UHRF1: variants seen among roughly 807,000 people sequenced by gnomAD.
UHRF1 encodes ubiquitin like with PHD and ring finger domains 1, also known as E3 ubiquitin-protein ligase UHRF1.
Under a neutral mutation model 96.5 loss-of-function variants are expected in UHRF1, and 9 were observed. The ratio of observed to expected loss-of-function variants is 0.09; its 90% CI spans 0.06 to 0.16. The LOEUF (loss-of-function observed/expected upper bound fraction) is 0.16, where lower values mean the gene tolerates loss of function less well. Among genes scored for constraint, UHRF1 ranks in the 10% least tolerant of loss-of-function variants. The pLI is 1.00. For synonymous variants in UHRF1, 455 were observed against 469.9 expected (o/e 0.97, Z 0.41); for missense variants, 626 against 1,131.1 (o/e 0.55, Z 6.40).
At chr19:4,905,363 C>T (rs546077972), upstream of UHRF1, among the ~76,000 whole-genome samples, 28 of 151,702 alleles carry the variant, frequency 1.8e-4, no homozygotes, top group Non-Finnish European at 3.5e-4. Flanking sequence ...TCGTGATCCA[C>T]CTGCCTCAGC....
At chr19:4,917,652 C>CAAAAAAAA (rs754990585) in intron 2 of UHRF1, among the ~76,000 whole-genome samples, 3 of 34,360 alleles carry the variant, frequency 8.7e-5, no homozygotes, top group Admixed American at 3.0e-4. Context: ...GACTCCGTCT[C>CAAAAAAAA]AAAAAAAAAA....
Position 4,915,672 on chromosome 19 carries a change from T to C in UHRF1, c.153+4634T>C, listed in dbSNP as rs2032469599. On this transcript the variant is annotated intron_variant, in intron 2 of 16. Transcript: ENST00000650932. ...TTGCAGTGAGCTGAGATCCCACCAC[T>C]GCACTCCAGCCTGGGCGACAGAGCA... 3.3e-5 allele frequency among the ~76,000 whole-genome samples: 5 copies of C among 152,046 alleles called. No individual in the cohort carries two copies. In the South Asian group the frequency reaches 1.0e-3, roughly 31 times the overall value.
At chr19:4,919,306 C>CT (rs968467944) in intron 2 of UHRF1, among the ~76,000 whole-genome samples, 88 of 145,726 alleles carry the variant, frequency 6.0e-4, no homozygotes, top group Admixed American at 1.4e-3. Flanking sequence ...CCCATTTTAA[C>CT]TTTTTTTTTT....
At chr19:4,947,871 G>A (rs1599291265) in intron 11 of UHRF1, among the ~76,000 whole-genome samples, 1 of 151,970 alleles carries the variant, frequency 6.6e-6, no homozygotes, top group Non-Finnish European at 1.5e-5. Flanking sequence ...GCCGAGGCTC[G>A]AGGATACCTT....
At position 4,930,669 on chromosome 19, in the gene UHRF1, G is replaced by C; in HGVS notation, c.409-47G>C. ...CGAGAACCAAGGTGGTCTCCCGTCA[G>C]TTTTCCTCACCCCGTTGGGATGCCA... On this transcript the variant is annotated intron_variant, in intron 3 of 16. Transcript: ENST00000650932. The surrounding 1 kb of genome is among the most constrained non-coding windows in gnomAD (Gnocchi z 4.4). 6.3e-7 allele frequency: 1 copy of C among 1,594,624 alleles called. No homozygotes were observed. The highest frequency in any genetic ancestry group is 8.6e-7 in the Non-Finnish European group (1 of 1,168,598).
upstream of UHRF1, among the ~76,000 whole-genome samples, chr19:4,908,704 T>C (rs2032128900): frequency 6.6e-6 from 1 of 152,170 alleles, no homozygotes; most frequent in Admixed American, 6.6e-5. Context: ...CACTCTCCTA[T>C]AAGGAATCAT....
intron 7 of UHRF1, among the ~76,000 whole-genome samples, chr19:4,943,501 C>CT (rs1000482174): frequency 1.4e-5 from 2 of 141,660 alleles, no homozygotes; most frequent in Admixed American, 7.1e-5. Context: ...CCCTGCCCCC[C>CT]CTCCCCACAT....
chr19:4,930,950 C>A lies in UHRF1; in HGVS notation c.569+74C>A. ...GCATCCTTGGCTGCGGGTGTTCAGG[C>A]CAGAGCTTGGCACTGTCTCGAGATG... On this transcript the variant is annotated intron_variant, in intron 4 of 16. Coordinates refer to ENST00000650932, the MANE Select transcript of UHRF1 (RefSeq NM_001048201.3). The surrounding 1 kb of genome is among the most constrained non-coding windows in gnomAD (Gnocchi z 4.4). 6.3e-7 allele frequency: 1 copy of A among 1,580,528 alleles called. No individual in the cohort carries two copies. Among genetic ancestry groups the A allele is most frequent in the Non-Finnish European group, 8.6e-7 (1 of 1,158,716 alleles).
At chr19:4,923,467 C>T (rs139110117) in intron 2 of UHRF1, among the ~76,000 whole-genome samples, 1,801 of 152,296 alleles carry the variant, frequency 0.012, 37 homozygotes, top group African/African-American at 0.041. Flanking sequence ...TTCCCTCGTG[C>T]GCTGAGGCCC....
intron 12 of UHRF1, 30 bp downstream of exon 12, chr19:4,950,803 C>G (rs2033697050): frequency 6.2e-7 from 1 of 1,613,914 alleles, no homozygotes; most frequent in Non-Finnish European, 8.5e-7. Flanking sequence ...GCCGGGGGCT[C>G]TGTCCCCGCC....
intron 5 of UHRF1, among the ~76,000 whole-genome samples, chr19:4,936,117 G>A (rs1181794228): frequency 6.6e-6 from 1 of 152,156 alleles, no homozygotes; most frequent in Non-Finnish European, 1.5e-5. Flanking sequence ...AGGCACAGCG[G>A]GAAAGGGAAC....
intron 2 of UHRF1, among the ~76,000 whole-genome samples, chr19:4,921,629 G>A (rs1336082227): frequency 6.6e-6 from 1 of 151,952 alleles, no homozygotes. Context: ...GATGGCCCAT[G>A]CCTGTAGTCC....
intron 16 of UHRF1, among the ~76,000 whole-genome samples, chr19:4,960,298 G>C (rs1376860498): frequency 1.3e-5 from 2 of 152,236 alleles, no homozygotes; most frequent in Non-Finnish European, 2.9e-5. Context: ...CAGGTGGAAG[G>C]AGAGGTGCCG....
chr19:4,945,917 C>T lies in UHRF1; in HGVS notation c.1362C>T (p.Asn454=), dbSNP rs758366727. Reference sequence around the variant, plus strand: ...TGGCTGGCATACACGGCCGGAGCAACGACGGAGCGTACTCCCTAGTCCTGG... The same window carrying T: ...TGGCTGGCATACACGGCCGGAGCAATGACGGAGCGTACTCCCTAGTCCTGG... ...PHVAGIHGRS[N]DGAYSLVLAG... The change falls in exon 10 of 17, where the codon AAC becomes AAT. Residue 454 remains asparagine (N), a synonymous_variant. Coordinates refer to ENST00000650932, the MANE Select transcript of UHRF1 (RefSeq NM_001048201.3). The T allele has an allele frequency of 1.4e-5, 22 of 1,603,276 alleles. No individual in the cohort carries two copies. Among genetic ancestry groups the T allele is most frequent in the Middle Eastern group, 4.2e-4 (2 of 4,748 alleles).
At chr19:4,957,340 G>C (rs1032191403) in intron 16 of UHRF1, among the ~76,000 whole-genome samples, 1 of 116,580 alleles carries the variant, frequency 8.6e-6, no homozygotes, top group African/African-American at 3.3e-5. Flanking sequence ...ACAGAGTCTC[G>C]CTCTGTTGCC....
intron 2 of UHRF1, among the ~76,000 whole-genome samples, chr19:4,920,092 C>T (rs1281003892): frequency 2.0e-5 from 3 of 152,162 alleles, no homozygotes; most frequent in African/African-American, 7.2e-5. Flanking sequence ...GCTGGGATTA[C>T]GGGCATGAGC....
At chr19:4,960,624 T>C (rs2033963684) in intron 16 of UHRF1, 33 bp from the exon 17 acceptor site, 1 of 1,607,488 alleles carries the variant, frequency 6.2e-7, no homozygotes, top group Non-Finnish European at 8.5e-7. Context: ...ATGGTGTGGA[T>C]GGCACTTCTC....
At chr19:4,912,615 GTCTT>G (rs1313534189) in intron 2 of UHRF1, among the ~76,000 whole-genome samples, 2 of 152,140 alleles carry the variant, frequency 1.3e-5, no homozygotes, top group African/African-American at 4.8e-5. Flanking sequence ...GAAGCGCTCT[GTCTT>G]TCTCTCTGCC....
Position 4,912,589 on chromosome 19 carries a change from T to A in UHRF1, c.153+1551T>A, listed in dbSNP as rs567309429. Among the ~76,000 whole-genome samples the A allele has an allele frequency of 2.2e-3, 342 of 152,300 alleles. 2 individuals carry two copies. Among genetic ancestry groups the A allele is most frequent in the Non-Finnish European group, 4.2e-3 (285 of 68,018 alleles). The stretch of plus-strand genomic sequence containing the variant: ...TAGATTTCACCATCGGTATTCTGAC[T>A]TATTAGGTTTATCTTGAAGCGCTCT... On this transcript the variant is annotated intron_variant, in intron 2 of 16. Coordinates refer to ENST00000650932, the MANE Select transcript of UHRF1 (RefSeq NM_001048201.3).
Sources: gnomAD v4.1 joint callset for allele counts (sites outside exome capture counted in the v4.1 genomes callset) on GRCh38, gnomAD v4.1.1 for gene constraint, Gnocchi (gnomAD v3.1) non-coding constraint, MANE v1.5 for transcripts, NCBI Gene and HGNC (gene_info 2026-07-23, HGNC 2026-07-21) for gene names.